The following CD86 variants were observed in gnomAD, a reference collection of about 807,000 sequenced individuals.
CD86 encodes CD86 molecule, also known as T-lymphocyte activation antigen CD86.
A neutral mutation model predicts 32.1 loss-of-function variants in CD86; 11 were observed. That is an observed-to-expected ratio of 0.34 (90% CI 0.22 to 0.57). The LOEUF is 0.57. CD86 is among the 20% of genes least tolerant of loss of function. CD86 has a pLI of 0.86. For missense variants in CD86, 359 were observed against 398.4 expected (o/e 0.90, Z 0.84); for synonymous variants, 137 against 135.3 (o/e 1.01, Z -0.09).
At chr3:122,058,300 T>C (rs2072271129) in intron 1 of CD86, among the ~76,000 whole-genome samples, 1 of 152,136 alleles carries the variant, frequency 6.6e-6, no homozygotes. Flanking sequence ...ATGGAGGAGC[T>C]GATCTAAAAC....
At chr3:122,062,091 A>G (rs1172461831) in intron 1 of CD86, among the ~76,000 whole-genome samples, 3 of 151,838 alleles carry the variant, frequency 2.0e-5, no homozygotes, top group African/African-American at 4.8e-5. Context: ...TAAAAAGTAA[A>G]AAAAAAAAAC....
chr3:122,075,838 A>G (rs768219913), intron 1 of CD86, among the ~76,000 whole-genome samples: 3 of 152,350 alleles, frequency 2.0e-5, no homozygotes, highest in Non-Finnish European at 4.4e-5. Flanking sequence ...AAGAAGTGCT[A>G]TGGAAGGGAA....
At chr3:122,091,059 T>C (rs529318360) in intron 1 of CD86, among the ~76,000 whole-genome samples, 2 of 152,318 alleles carry the variant, frequency 1.3e-5, no homozygotes, top group Admixed American at 1.3e-4. Flanking sequence ...ACTAACCGAT[T>C]GCCCCCATCA....
intron 1 of CD86, among the ~76,000 whole-genome samples, chr3:122,059,262 G>A (rs1264840002): frequency 6.6e-6 from 1 of 152,092 alleles, no homozygotes; most frequent in African/African-American, 2.4e-5. Context: ...AGAGGTTGGA[G>A]GATTGAGAGG....
chr3:122,078,001 A>G, intron 1 of CD86: 5 of 985,650 alleles, frequency 5.1e-6, no homozygotes, highest in Non-Finnish European at 6.0e-6. Flanking sequence ...GTGCTTATGC[A>G]TCTGGTCTCT....
chr3:122,093,676 G>C (rs1455241831), intron 2 of CD86, among the ~76,000 whole-genome samples: 1 of 152,178 alleles, frequency 6.6e-6, no homozygotes, highest in East Asian at 1.9e-4. Context: ...ATGTGGCTGT[G>C]CAATACATGA....
In CD86 at chr3:122,102,274, A is replaced by G. The variant is rs887912800; in HGVS notation, c.65-1238A>G. Among the ~76,000 whole-genome samples the G allele has an allele frequency of 3.3e-5, 5 of 152,088 alleles. No individual in the cohort carries two copies. The East Asian group carries it at 7.7e-4, about 23-fold the overall frequency. On this transcript the variant is annotated intron_variant, in intron 2 of 6. Transcript: ENST00000330540. Reference sequence around the variant, plus strand: ...CTCCTCAATGTCAACATGCCTTCACATAAATCCTGAATGATGAAATTTTAT... The same window carrying G: ...CTCCTCAATGTCAACATGCCTTCACGTAAATCCTGAATGATGAAATTTTAT...
At chr3:122,079,216 C>T (rs2072596320) in intron 1 of CD86, among the ~76,000 whole-genome samples, 1 of 152,134 alleles carries the variant, frequency 6.6e-6, no homozygotes, top group South Asian at 2.1e-4. Flanking sequence ...TGATTAATTA[C>T]CAAGCCTTTG....
At chr3:122,091,078 A>G (rs1190219542) in intron 1 of CD86, among the ~76,000 whole-genome samples, 3 of 152,204 alleles carry the variant, frequency 2.0e-5, no homozygotes, top group African/African-American at 7.2e-5. Context: ...CATGCCTGTT[A>G]TGTTGGTCAA....
chr3:122,119,548 C>T lies in CD86; in HGVS notation c.*14C>T. On this transcript the variant is annotated 3_prime_UTR_variant, in exon 7 of 7. Coordinates refer to ENST00000330540, the MANE Select transcript of CD86 (RefSeq NM_175862.5). ...ACATGTTTTTAATTAAAGAGTAAAG[C>T]CCATACAAGTATTCATTTTTTCTAC... The T allele has an allele frequency of 2.7e-6, 4 of 1,463,770 alleles. No homozygotes were observed. Among genetic ancestry groups the T allele is most frequent in the Non-Finnish European group, 2.9e-6 (3 of 1,047,954 alleles). 90.7% of individuals were successfully genotyped at this position (1,463,770 alleles called of 1,614,324 possible).
At chr3:122,113,556 G>A (rs1043442885) in intron 5 of CD86, among the ~76,000 whole-genome samples, 3 of 152,136 alleles carry the variant, frequency 2.0e-5, no homozygotes, top group East Asian at 1.9e-4. Flanking sequence ...TCTTGCAGGA[G>A]TAAGGTGGTA....
At chr3:122,086,682 G>C in intron 1 of CD86, 4 of 451,344 alleles carry the variant, frequency 8.9e-6, no homozygotes, top group Non-Finnish European at 1.8e-5. Flanking sequence ...TTTGCAGAAT[G>C]AACAGCAGCT....
intron 5 of CD86, 126 bp downstream of exon 5, chr3:122,109,534 AG>A: frequency 9.1e-7 from 1 of 1,100,744 alleles, no homozygotes; most frequent in Non-Finnish European, 1.4e-6. Context: ...TTGGGAAAAA[AG>A]GTTTTCCCTT....
At chr3:122,090,741 G>A (rs903699991) in intron 1 of CD86, among the ~76,000 whole-genome samples, 5 of 152,156 alleles carry the variant, frequency 3.3e-5, no homozygotes, top group East Asian at 1.9e-4. Context: ...GGGTAAGTGC[G>A]TGGGTAGTGA....
intron 1 of CD86, among the ~76,000 whole-genome samples, chr3:122,073,309 G>A (rs57720977): frequency 0.016 from 2,447 of 151,764 alleles, 67 homozygotes; most frequent in African/African-American, 0.056. Context: ...TGCTGTCCGT[G>A]TACCTTCTTT....
intron 1 of CD86, chr3:122,086,518 G>A: frequency 2.2e-6 from 1 of 450,516 alleles, no homozygotes; most frequent in Non-Finnish European, 4.5e-6. Context: ...TGCCCAAGTA[G>A]TCATATTTCC....
At chr3:122,070,322 T>C (rs1004821267) in intron 1 of CD86, among the ~76,000 whole-genome samples, 5 of 152,054 alleles carry the variant, frequency 3.3e-5, no homozygotes, top group African/African-American at 1.2e-4. Flanking sequence ...ATTTGCATCA[T>C]GAGAAAGTAA....
chr3:122,078,194 GGTTTGCTTC>G (rs2072581414), intron 1 of CD86: 1 of 327,972 alleles, frequency 3.0e-6, no homozygotes, highest in Non-Finnish European at 4.4e-6. Flanking sequence ...CTGACCATCA[GGTTTGCTTC>G]TCAGATTGAC....
At chr3:122,076,568 G>C (rs1044669146) in intron 1 of CD86, among the ~76,000 whole-genome samples, 2 of 152,178 alleles carry the variant, frequency 1.3e-5, no homozygotes, top group African/African-American at 4.8e-5. Flanking sequence ...ATGACCCTGT[G>C]AGTCAAGACC....
Sources: allele counts gnomAD v4.1 joint callset (sites outside exome capture counted in the v4.1 genomes callset), GRCh38; gene constraint gnomAD v4.1.1; transcripts MANE v1.5; gene names NCBI Gene and HGNC (gene_info 2026-07-23, HGNC 2026-07-21).